Variants in HDAC4 observed in about 807,000 individuals in gnomAD.
The protein encoded by HDAC4 is histone deacetylase A.
In HDAC4, 16 loss-of-function variants were observed where a neutral mutation model predicts 135.1. The ratio of observed to expected loss-of-function variants is 0.12; its 90% CI spans 0.08 to 0.18. HDAC4 has a LOEUF of 0.18. HDAC4 is among the 10% of genes least tolerant of loss of function. The pLI, the probability that HDAC4 is intolerant of heterozygous loss-of-function variation, is 1.00. For synonymous variants in HDAC4, 685 were observed against 653.4 expected (o/e 1.05, Z -0.74); for missense variants, 1,143 against 1,511.8 (o/e 0.76, Z 4.05).
rs1218006200 is a variant in HDAC4 at position 239,400,926 on chromosome 2, C to CGCG, written c.-220+49_-220+51dup. The CGCG allele has an allele frequency of 6.7e-6, 1 of 149,572 alleles. No homozygotes were observed. The highest frequency in any genetic ancestry group is 1.5e-5 in the Non-Finnish European group (1 of 66,892). The allele number at this position is 149,572 out of a possible 1,614,324, so 9.3% of individuals were successfully genotyped here. A position where few individuals can be genotyped will look rare whatever the true frequency, so the allele number is the denominator to read the frequency against. On this transcript the variant is annotated intron_variant, in intron 1 of 26. Coordinates refer to ENST00000543185, the MANE Select transcript of HDAC4 (RefSeq NM_001378414.1). The surrounding 1 kb of genome is among the most constrained non-coding windows in gnomAD (Gnocchi z 4.7). ...TCGGGCGGCGGCGGGGACGGTGCTC[C>CGCG]GCGGCGGCGGCCCCACAACCTCCCC...
Position 239,400,288 on chromosome 2 carries a change from A to G in HDAC4, c.-220+690T>C, listed in dbSNP as rs1256431120. 2.7e-5 allele frequency: 4 copies of G among 150,444 alleles called. No individual in the cohort carries two copies. Among genetic ancestry groups the G allele is most frequent in the African/African-American group, 9.7e-5 (4 of 41,086 alleles). 9.3% of individuals were successfully genotyped at this position (150,444 alleles called of 1,614,324 possible). A position where few individuals can be genotyped will look rare whatever the true frequency, so the allele number is the denominator to read the frequency against. The stretch of plus-strand genomic sequence containing the variant: ...GGCAGGGACGTTTTTCTGCAAACTC[A>G]CAGCATTTGACAAAGTTACATAAAC... On this transcript the variant is annotated intron_variant, in intron 1 of 26. Coordinates refer to ENST00000543185, the MANE Select transcript of HDAC4 (RefSeq NM_001378414.1). This position sits in a 1 kb window ranked among gnomAD's most constrained non-coding sequence, Gnocchi z 4.7.
At chr2:239,107,722 A>G (rs2038281608) in intron 15 of HDAC4, among the ~76,000 whole-genome samples, 1 of 152,240 alleles carries the variant, frequency 6.6e-6, no homozygotes, top group South Asian at 2.1e-4. Context: ...TCCTTGGGGA[A>G]GTGACCCGGA....
At chr2:239,350,287 T>G (rs1693039018) in intron 2 of HDAC4, among the ~76,000 whole-genome samples, 1 of 151,584 alleles carries the variant, frequency 6.6e-6, no homozygotes, top group South Asian at 2.1e-4. Context: ...AAAAAAACAC[T>G]GAACTATATA....
At chr2:239,260,695 G>A (rs1159375384) in intron 2 of HDAC4, among the ~76,000 whole-genome samples, 1 of 152,202 alleles carries the variant, frequency 6.6e-6, no homozygotes, top group Non-Finnish European at 1.5e-5. Context: ...AAGGTTGGAT[G>A]TGAGGGGATG....
At chr2:239,184,036 A>G (rs997853745) in intron 4 of HDAC4, among the ~76,000 whole-genome samples, 18 of 145,964 alleles carry the variant, frequency 1.2e-4, no homozygotes, top group East Asian at 4.3e-4. Context: ...ACACACACAC[A>G]AGCACACGAA....
At chr2:239,136,868 G>A (rs1435883015) in intron 9 of HDAC4, among the ~76,000 whole-genome samples, 1 of 152,156 alleles carries the variant, frequency 6.6e-6, no homozygotes, top group Non-Finnish European at 1.5e-5. Flanking sequence ...AACTCACGGC[G>A]CACCTCGCCC....
At chr2:239,084,385 C>A (rs958413484) in intron 19 of HDAC4, 143 bp from the exon 20 acceptor site, 1 of 687,424 alleles carries the variant, frequency 1.5e-6, no homozygotes, top group Non-Finnish European at 2.7e-6. Context: ...TCGCAGGGAA[C>A]CCTCAGTGAT....
At chr2:239,107,804 G>A (rs927471145) in intron 15 of HDAC4, among the ~76,000 whole-genome samples, 1 of 152,170 alleles carries the variant, frequency 6.6e-6, no homozygotes, top group African/African-American at 2.4e-5. Context: ...CATCAGGAAA[G>A]GTCACAGACA....
chr2:239,079,813 CAT>C (rs370709842), intron 22 of HDAC4, among the ~76,000 whole-genome samples: 130 of 151,508 alleles, frequency 8.6e-4, no homozygotes, highest in African/African-American at 2.9e-3. Context: ...CGTGTGTACT[CAT>C]ATACAGATGT....
chr2:239,075,408 CCCACTGATCGT>C (rs1195098059), intron 22 of HDAC4, among the ~76,000 whole-genome samples: 5 of 151,976 alleles, frequency 3.3e-5, no homozygotes, highest in Non-Finnish European at 7.4e-5. Flanking sequence ...AGGCAGTAGG[CCCACTGATCGT>C]CCACTGATCG....
At position 239,352,556 on chromosome 2, in the gene HDAC4, G is replaced by A; in HGVS notation, c.22+122C>T. 1 of 916,092 alleles carries A rather than the reference G, an allele frequency of 1.1e-6. No individual in the cohort carries two copies. Among genetic ancestry groups the A allele is most frequent in the Non-Finnish European group, 1.8e-6 (1 of 569,828 alleles). The allele number at this position is 916,092 out of a possible 1,614,324, so 56.7% of individuals were successfully genotyped here. On this transcript the variant is annotated intron_variant, in intron 2 of 26. Coordinates refer to ENST00000543185, the MANE Select transcript of HDAC4 (RefSeq NM_001378414.1). This position sits in a 1 kb window ranked among gnomAD's most constrained non-coding sequence, Gnocchi z 4.4. ...CACTTTGTGCTGTCAAAAACCAACA[G>A]TGACCACTATCAAGAAAAACAAAAG...
At chr2:239,093,790 A>G in intron 17 of HDAC4, 3 of 300,404 alleles carry the variant, frequency 1.0e-5, no homozygotes, top group Non-Finnish European at 1.5e-5. Flanking sequence ...TTTGCAAATG[A>G]TAAATTCTGC....
chr2:239,349,467 G>A lies in HDAC4; in HGVS notation c.22+3211C>T, dbSNP rs551789812. 9.8e-5 allele frequency among the ~76,000 whole-genome samples: 15 copies of A among 152,374 alleles called. No homozygotes were observed. The South Asian group carries it at 3.1e-3, about 32-fold the overall frequency. Reference sequence around the variant, plus strand: ...AGGATTGGAAAGCACTTCCAGCAATGCCTGGGAGCGGACGGACAGGTGCAT... The same window carrying A: ...AGGATTGGAAAGCACTTCCAGCAATACCTGGGAGCGGACGGACAGGTGCAT... On this transcript the variant is annotated intron_variant, in intron 2 of 26. Transcript: ENST00000543185. The surrounding 1 kb of genome is among the most constrained non-coding windows in gnomAD (Gnocchi z 5.7).
intron 6 of HDAC4, among the ~76,000 whole-genome samples, chr2:239,159,782 C>G (rs935418216): frequency 6.6e-6 from 1 of 152,242 alleles, no homozygotes; most frequent in Non-Finnish European, 1.5e-5. Context: ...TCTACCTCAC[C>G]TGACCATAAA....
At chr2:239,067,712 C>T (rs1181480139) in intron 23 of HDAC4, among the ~76,000 whole-genome samples, 2 of 152,184 alleles carry the variant, frequency 1.3e-5, no homozygotes, top group Non-Finnish European at 2.9e-5. Flanking sequence ...CCACCGAGGG[C>T]TGCCTCAGGT....
intron 24 of HDAC4, among the ~76,000 whole-genome samples, chr2:239,057,332 T>C (rs61609718): frequency 4.5e-4 from 69 of 152,266 alleles, no homozygotes; most frequent in African/African-American, 1.6e-3. Flanking sequence ...AAAGTAAATA[T>C]AGTGAGTATG....
At chr2:239,116,497 C>T (rs951280117) in intron 12 of HDAC4, among the ~76,000 whole-genome samples, 5 of 152,246 alleles carry the variant, frequency 3.3e-5, no homozygotes, top group African/African-American at 4.8e-5. Context: ...TCTCCAGCCT[C>T]GACCTCCTGC....
intron 1 of HDAC4, among the ~76,000 whole-genome samples, chr2:239,379,291 C>T (rs1170025516): frequency 1.3e-5 from 2 of 152,108 alleles, no homozygotes; most frequent in Non-Finnish European, 2.9e-5. Context: ...GTGCTGGCTC[C>T]CGCGCAGGTG....
At chr2:239,054,666 G>C (rs1474277003) in intron 25 of HDAC4, 83 bp downstream of exon 25, 1 of 879,502 alleles carries the variant, frequency 1.1e-6, no homozygotes, top group Non-Finnish European at 2.0e-6. Context: ...AAGAGCTGGG[G>C]GTATAGGGGG....
Sources: allele counts gnomAD v4.1 joint callset (sites outside exome capture counted in the v4.1 genomes callset), GRCh38; gene constraint gnomAD v4.1.1; non-coding constraint Gnocchi (gnomAD v3.1); transcripts MANE v1.5; gene names NCBI Gene and HGNC (gene_info 2026-07-23, HGNC 2026-07-21).